The following SLC4A9 variants were observed in gnomAD, a reference collection of about 807,000 sequenced individuals.
SLC4A9 encodes anion exchange protein 4.
In SLC4A9, 102 loss-of-function variants were observed where a neutral mutation model predicts 103.2. The observed-to-expected ratio is 0.99, with a 90% CI of 0.84 to 1.17. The LOEUF (loss-of-function observed/expected upper bound fraction) is 1.17. Ranked by LOEUF, SLC4A9 falls within the 50% of genes most tolerant of loss-of-function variation. The pLI, the probability that SLC4A9 is intolerant of heterozygous loss-of-function variation, is 0.00. For synonymous variants in SLC4A9, 453 were observed against 483.6 expected, an observed-to-expected ratio of 0.94 and a Z score of 0.83; for missense variants, 1,091 against 1,193.7, an observed-to-expected ratio of 0.91 and a Z score of 1.27.
In SLC4A9 at chr5:140,360,922, A is replaced by C. The variant is rs368823450; in HGVS notation, c.341A>C (p.Glu114Ala). ...CAGAAGCTCCGCAGCCTGCTGGCCG[A>C]GGGCCTTGTACTGCTGGACTGCCCA... ...SLQKLRSLLA[E>A]GLVLLDCPAQ... is the part of the protein sequence containing the mutation. The change falls in exon 2 of 22, where the codon GAG becomes GCG. Residue 114 changes from glutamate to alanine, a missense_variant. By Grantham distance (107) the Glu-to-Ala change is moderately radical (BLOSUM62 -1). Coordinates refer to ENST00000506757, the MANE Select transcript of SLC4A9 (RefSeq NM_031467.3). The C allele has an allele frequency of 1.4e-5, 22 of 1,602,140 alleles. No homozygotes were observed. Among genetic ancestry groups the C allele is most frequent in the Non-Finnish European group, 1.7e-5 (20 of 1,174,860 alleles).
At chr5:140,369,292 AC>A (rs1768349593) in intron 17 of SLC4A9, among the ~76,000 whole-genome samples, 1 of 151,700 alleles carries the variant, frequency 6.6e-6, no homozygotes, top group Non-Finnish European at 1.5e-5. Flanking sequence ...AAAAAAAAAA[AC>A]AAAAAAAAAC....
At chr5:140,371,408 G>T in intron 18 of SLC4A9, 43 bp from the exon 19 acceptor site, 1 of 1,610,786 alleles carries the variant, frequency 6.2e-7, no homozygotes, top group Non-Finnish European at 8.5e-7. Context: ...CTCCTATCAG[G>T]CTACCTGAGT....
intron 21 of SLC4A9, among the ~76,000 whole-genome samples, chr5:140,374,033 A>C (rs1199929562): frequency 6.6e-6 from 1 of 151,030 alleles, no homozygotes; most frequent in African/African-American, 2.4e-5. Flanking sequence ...GTCTCTACTA[A>C]AAAATAATAA....
chr5:140,362,614 T>A (rs970769418), intron 6 of SLC4A9, 82 bp downstream of exon 6: 19 of 1,328,116 alleles, frequency 1.4e-5, no homozygotes, highest in Non-Finnish European at 2.0e-5. Context: ...ATGCATGGGC[T>A]CATGTGAGTG....
chr5:140,360,965 G>A lies in SLC4A9; in HGVS notation c.384G>A (p.Glu128=), dbSNP rs1418543192. The change falls in exon 2 of 22, where the codon GAG becomes GAA. Residue 128 remains glutamate (E), a synonymous_variant. Coordinates refer to ENST00000506757, the MANE Select transcript of SLC4A9 (RefSeq NM_031467.3). ...LLDCPAQSLL[E]LVEQVTRVES... ...ACTGCCCAGCTCAGAGCCTCCTGGA[G>A]CTCGTGGGTAGGCTGGGATCCTTTG... is the stretch of plus-strand genomic sequence containing the variant. The A allele has an allele frequency of 5.1e-6, 8 of 1,579,668 alleles. No homozygotes were observed. In the South Asian group the frequency reaches 6.9e-5, roughly 14 times the overall value.
At chr5:140,366,094 G>A in intron 13 of SLC4A9, 57 bp from the exon 14 acceptor site, 2 of 1,608,290 alleles carry the variant, frequency 1.2e-6, no homozygotes, top group East Asian at 2.2e-5. Context: ...ATGGGAAGTG[G>A]TGTGGAAAAA....
intron 21 of SLC4A9, among the ~76,000 whole-genome samples, chr5:140,373,811 A>G (rs574739121): frequency 3.8e-4 from 58 of 151,982 alleles, no homozygotes; most frequent in Admixed American, 3.2e-3. Flanking sequence ...TTTTAAAAGG[A>G]GCAAGCCAGG....
At chr5:140,370,602 G>A (rs961924701) in intron 17 of SLC4A9, among the ~76,000 whole-genome samples, 4 of 152,192 alleles carry the variant, frequency 2.6e-5, no homozygotes, top group African/African-American at 9.6e-5. Flanking sequence ...GGGGCCTGAA[G>A]TTAAAAAGTC....
At position 140,366,034 on chromosome 5, in the gene SLC4A9, C is replaced by T. The variant is rs1368017223; in HGVS notation, c.1899+12C>T. 1 of 1,613,666 alleles carries T rather than the reference C, an allele frequency of 6.2e-7. No individual in the cohort carries two copies. Among genetic ancestry groups the T allele is most frequent in the Non-Finnish European group, 8.5e-7 (1 of 1,179,716 alleles). ...TCTTCCCCTCTGTGGTGAGTTTCAC[C>T]TTTCTTTCTGTGGGAGAGGCCTGAC... On this transcript the variant is annotated intron_variant, in intron 13 of 21. Transcript: ENST00000506757.
chr5:140,368,083 C>A (rs958361993), intron 16 of SLC4A9, among the ~76,000 whole-genome samples, 185 bp downstream of exon 16: 9 of 152,136 alleles, frequency 5.9e-5, no homozygotes, highest in Non-Finnish European at 1.2e-4. Context: ...TCCCCTCAGC[C>A]ATGGGGACTG....
chr5:140,370,260 T>A (rs1768504437), intron 17 of SLC4A9, among the ~76,000 whole-genome samples: 1 of 151,806 alleles, frequency 6.6e-6, no homozygotes, highest in Non-Finnish European at 1.5e-5. Flanking sequence ...GGTCAGGAGT[T>A]CGAGTCTAGC....
intron 10 of SLC4A9, 46 bp downstream of exon 10, chr5:140,364,233 C>A: frequency 6.4e-7 from 1 of 1,570,320 alleles, no homozygotes; most frequent in South Asian, 1.2e-5. Context: ...GTGCCATGGT[C>A]AGCCTGCTCC....
chr5:140,370,987 C>T (rs554340844), intron 17 of SLC4A9, 108 bp from the exon 18 acceptor site: 2 of 903,630 alleles, frequency 2.2e-6, no homozygotes, highest in South Asian at 2.9e-5. Flanking sequence ...AAGGCCTGGG[C>T]AGACCTGGAT....
At chr5:140,361,774 G>A in intron 3 of SLC4A9, 34 bp from the exon 4 acceptor site, 1 of 1,612,578 alleles carries the variant, frequency 6.2e-7, no homozygotes, top group Non-Finnish European at 8.5e-7. Flanking sequence ...CCCAAAGCCT[G>A]TGGTCTTAAT....
chr5:140,368,009 C>A, intron 16 of SLC4A9, 111 bp downstream of exon 16: 1 of 1,119,008 alleles, frequency 8.9e-7, no homozygotes, highest in Non-Finnish European at 1.3e-6. Context: ...GTCCCACAAG[C>A]ATTGCAGTGG....
chr5:140,364,749 C>A, intron 11 of SLC4A9, 124 bp downstream of exon 11: 1 of 1,174,882 alleles, frequency 8.5e-7, no homozygotes, highest in Non-Finnish European at 1.2e-6. Flanking sequence ...CAATAACTGG[C>A]AGTACTATTT....
chr5:140,370,995 G>A lies in SLC4A9; in HGVS notation c.2428-100G>A, dbSNP rs576115036. On this transcript the variant is annotated intron_variant, in intron 17 of 21. Transcript: ENST00000506757. ...GAAAGGCAAGGCCTGGGCAGACCTG[G>A]ATGCTAGATGCTAGAGGGATCTAGG... 53 of 1,009,230 alleles carry A rather than the reference G, an allele frequency of 5.3e-5. No individual in the cohort carries two copies. In the East Asian group the frequency reaches 1.3e-3, roughly 25 times the overall value. The allele number at this position is 1,009,230 out of a possible 1,614,324, so 62.5% of individuals were successfully genotyped here. A position where few individuals can be genotyped will look rare whatever the true frequency, so the allele number is the denominator to read the frequency against.
chr5:140,364,700 C>T, intron 11 of SLC4A9, 75 bp downstream of exon 11: 4 of 1,519,878 alleles, frequency 2.6e-6, no homozygotes, highest in Non-Finnish European at 3.6e-6. Context: ...CCCTTACTAT[C>T]CCCCCTGGTT....
rs575549610 is a variant in SLC4A9 at position 140,364,464 on chromosome 5, G to T, written c.1490G>T (p.Arg497Leu). The change falls in exon 11 of 22, where the codon CGC becomes CTC. Residue 497 changes from arginine (R) to leucine (L), a missense_variant. Physicochemically the swap from Arg to Leu is moderately radical, Grantham distance 102. Coordinates refer to ENST00000506757, the MANE Select transcript of SLC4A9 (RefSeq NM_031467.3). ...GCCACAGAGGCCAGTGTGCTGGTGC[G>T]CTACTTCACCCGCTTCACTGAGGAA... ...LVATEASVLV[R>L]YFTRFTEEGF... The T allele has an allele frequency of 1.2e-6, 2 of 1,613,160 alleles. No individual in the cohort carries two copies. Among genetic ancestry groups the T allele is most frequent in the African/African-American group, 1.3e-5 (1 of 75,042 alleles).
Sources: gnomAD v4.1 joint callset for allele counts (sites outside exome capture counted in the v4.1 genomes callset) on GRCh38, gnomAD v4.1.1 for gene constraint, MANE v1.5 for transcripts, NCBI Gene and HGNC (gene_info 2026-07-23, HGNC 2026-07-21) for gene names.